Variants in BRINP3 observed in about 807,000 individuals in gnomAD.
BRINP3 encodes the protein BMP/retinoic acid inducible neural specific 3, also known as BMP/retinoic acid-inducible neural-specific protein 3.
In BRINP3, 19 loss-of-function variants were observed where a neutral mutation model predicts 71.0. The observed-to-expected ratio is 0.27, with a 90% CI of 0.19 to 0.39. BRINP3 has a LOEUF of 0.39. Ranked by LOEUF, BRINP3 falls within the 10% of genes least tolerant of loss-of-function variation. The probability of loss-of-function intolerance (pLI) is 1.00; values close to 1 mark genes in which losing one functional copy is unlikely to be tolerated. For synonymous variants in BRINP3, 380 were observed against 337.7 expected, an observed-to-expected ratio of 1.13 and a Z score of -1.37; for missense variants, 959 against 940.8, an observed-to-expected ratio of 1.02 and a Z score of -0.25.
intron 2 of BRINP3, among the ~76,000 whole-genome samples, chr1:190,301,271 C>T (rs1192198569): frequency 8.2e-6 from 1 of 122,424 alleles, no homozygotes; most frequent in African/African-American, 2.9e-5. Context: ...TATCACAGTC[C>T]ACTGGGGTCA....
rs547740015 is a variant in BRINP3 at position 190,284,964 on chromosome 1, A to G, written c.237-3214T>C. ...CACCATTGTGTATATCCAAAAGAATAAAGCAAAATACTACACCATTTTGTA... is the reference window on the plus strand; with the variant it reads ...CACCATTGTGTATATCCAAAAGAATGAAGCAAAATACTACACCATTTTGTA... On this transcript the variant is annotated intron_variant, in intron 2 of 7. Coordinates refer to ENST00000367462, the MANE Select transcript of BRINP3 (RefSeq NM_199051.3). Among the ~76,000 whole-genome samples the G allele has an allele frequency of 2.0e-5, 3 of 152,264 alleles. No individual in the cohort carries two copies. In the South Asian group the frequency reaches 6.2e-4, roughly 32 times the overall value.
chr1:190,368,874 T>C (rs1669680487), intron 2 of BRINP3, among the ~76,000 whole-genome samples: 1 of 152,214 alleles, frequency 6.6e-6, no homozygotes, highest in African/African-American at 2.4e-5. Context: ...TTATAAGCTC[T>C]GGAAAACTTC....
At chr1:190,312,036 AATATATATATATATATATATATATATAT>A (rs1180367434) in intron 2 of BRINP3, among the ~76,000 whole-genome samples, 7 of 68,296 alleles carry the variant, frequency 1.0e-4, no homozygotes, top group Admixed American at 3.8e-4. Context: ...TGAAAAGTCA[AATATATATATATATATATATATATATAT>A]ATATATATAT....
chr1:190,460,180 A>G (rs1477223840), intron 1 of BRINP3, among the ~76,000 whole-genome samples: 2 of 151,608 alleles, frequency 1.3e-5, no homozygotes, highest in South Asian at 2.1e-4. Flanking sequence ...CTATTTAAAA[A>G]GTCACATTCT....
At chr1:190,307,259 T>G (rs12760174) in intron 2 of BRINP3, among the ~76,000 whole-genome samples, 2 of 18,104 alleles carry the variant, frequency 1.1e-4, no homozygotes, top group East Asian at 1.5e-3. Context: ...TAAAACATTG[T>G]TTTTTTTTTT....
chr1:190,286,883 T>A (rs1663466845), intron 2 of BRINP3, among the ~76,000 whole-genome samples: 1 of 152,062 alleles, frequency 6.6e-6, no homozygotes, highest in Admixed American at 6.6e-5. Context: ...TGGCTCCCCA[T>A]AATTTTATTG....
At chr1:190,332,029 T>C (rs565552755) in intron 2 of BRINP3, among the ~76,000 whole-genome samples, 1 of 152,142 alleles carries the variant, frequency 6.6e-6, no homozygotes, top group Non-Finnish European at 1.5e-5. Context: ...ACTATTTGAA[T>C]CTAATTTTTT....
intron 2 of BRINP3, among the ~76,000 whole-genome samples, chr1:190,439,346 C>A (rs1019120545): frequency 4.0e-5 from 6 of 151,772 alleles, no homozygotes; most frequent in Non-Finnish European, 8.8e-5. Context: ...TATATAACCT[C>A]AGTACCTTAC....
rs772325345 is a variant in BRINP3, at chr1:190,171,910, C to G, written c.962-11020G>C. Among the ~76,000 whole-genome samples the G allele has an allele frequency of 4.0e-5, 6 of 151,816 alleles. No individual in the cohort carries two copies. In the South Asian group the frequency reaches 6.3e-4, roughly 16 times the overall value. ...TTGCTTGACACCAGAAGTTTGAGAC[C>G]AGCCGGCGAAGCATAGTAAGACCCC... is the stretch of plus-strand genomic sequence containing the variant. On this transcript the variant is annotated intron_variant, in intron 6 of 7. Transcript: ENST00000367462.
At chr1:190,303,584 C>T (rs1436061384) in intron 2 of BRINP3, among the ~76,000 whole-genome samples, 1 of 151,624 alleles carries the variant, frequency 6.6e-6, no homozygotes, top group East Asian at 1.9e-4. Flanking sequence ...ATTAAGTATT[C>T]TGTCAAATAG....
chr1:190,239,861 G>A lies in BRINP3; in HGVS notation c.619-5384C>T, dbSNP rs142856574. ...TGCATAAATATTCTAATATAGTTTC[G>A]CAAAAAGAAAATGCTGAAATCTGAC... On this transcript the variant is annotated intron_variant, in intron 4 of 7. Coordinates refer to ENST00000367462, the MANE Select transcript of BRINP3 (RefSeq NM_199051.3). 1.6e-3 allele frequency among the ~76,000 whole-genome samples: 237 copies of A among 151,622 alleles called. 2 individuals are homozygous for A. The highest frequency in any genetic ancestry group is 8.4e-3 in the East Asian group (43 of 5,142).
At chr1:190,392,645 C>T (rs1362220450) in intron 2 of BRINP3, among the ~76,000 whole-genome samples, 1 of 151,670 alleles carries the variant, frequency 6.6e-6, no homozygotes, top group East Asian at 1.9e-4. Context: ...TAATAGTTCA[C>T]ATTTCTTTTT....
intron 2 of BRINP3, among the ~76,000 whole-genome samples, chr1:190,317,869 T>C (rs1665989757): frequency 6.6e-6 from 1 of 152,142 alleles, no homozygotes; most frequent in African/African-American, 2.4e-5. Flanking sequence ...CTAGCTGCAA[T>C]TGATTGATCT....
intron 6 of BRINP3, among the ~76,000 whole-genome samples, chr1:190,211,891 G>A (rs868616788): frequency 3.8e-4 from 58 of 152,216 alleles, no homozygotes; most frequent in African/African-American, 1.4e-3. Context: ...GTCAGGCATT[G>A]ATAAGTCATA....
chr1:190,160,384 C>T (rs115176837), intron 7 of BRINP3, among the ~76,000 whole-genome samples: 3,201 of 151,878 alleles, frequency 0.021, 56 homozygotes, highest in Non-Finnish European at 0.031. Context: ...CACTGTAATG[C>T]AATTATTAGT....
At chr1:190,105,188 C>T (rs1456304980) in intron 7 of BRINP3, among the ~76,000 whole-genome samples, 3 of 152,018 alleles carry the variant, frequency 2.0e-5, no homozygotes, top group Non-Finnish European at 4.4e-5. Flanking sequence ...GTTGACACTC[C>T]TGACACACAA....
intron 1 of BRINP3, among the ~76,000 whole-genome samples, chr1:190,466,142 T>G: frequency 6.6e-6 from 1 of 151,658 alleles, no homozygotes; most frequent in East Asian, 1.9e-4. Context: ...TTACAAAGTT[T>G]TTTTTTTTTT....
At chr1:190,379,437 G>GA (rs1050076455) in intron 2 of BRINP3, among the ~76,000 whole-genome samples, 5 of 151,448 alleles carry the variant, frequency 3.3e-5, no homozygotes, top group Non-Finnish European at 5.9e-5. Flanking sequence ...TATGGAGGAA[G>GA]AAAAAAAATA....
At chr1:190,309,625 A>ACT (rs1369074418) in intron 2 of BRINP3, among the ~76,000 whole-genome samples, 8 of 151,910 alleles carry the variant, frequency 5.3e-5, no homozygotes, top group Admixed American at 5.3e-4. Flanking sequence ...ATTGTGTTAT[A>ACT]CTCTATATTG....
Sources: allele counts gnomAD v4.1 joint callset (sites outside exome capture counted in the v4.1 genomes callset), GRCh38; gene constraint gnomAD v4.1.1; transcripts MANE v1.5; gene names NCBI Gene and HGNC (gene_info 2026-07-23, HGNC 2026-07-21).